ZFR2: variants seen among roughly 807,000 people sequenced by gnomAD.
The protein encoded by ZFR2 is zinc finger RNA-binding protein 2.
In ZFR2, 104 loss-of-function variants were observed where a neutral mutation model predicts 105.7. The observed-to-expected ratio is 0.98, with a 90% confidence interval of 0.84 to 1.16. ZFR2 has a LOEUF of 1.16. ZFR2 is among the 50% of genes most tolerant of loss of function. ZFR2 has a pLI of 0.00. For missense variants in ZFR2, 1,425 were observed against 1,355.5 expected (o/e 1.05, Z -0.80); for synonymous variants, 634 against 597.7 (o/e 1.06, Z -0.89).
chr19:3,844,021 G>GC (rs1394414932), intron 1 of ZFR2, among the ~76,000 whole-genome samples: 2 of 148,510 alleles, frequency 1.3e-5, no homozygotes, highest in Non-Finnish European at 3.0e-5. Flanking sequence ...TGTGGGGGGG[G>GC]GGGTGCCAGG....
intron 1 of ZFR2, among the ~76,000 whole-genome samples, chr19:3,860,712 G>A (rs998581820): frequency 1.3e-5 from 2 of 152,134 alleles, no homozygotes; most frequent in Non-Finnish European, 2.9e-5. Flanking sequence ...CAGGACAAGC[G>A]ACAGAATTTC....
rs561012821 is a variant in ZFR2 at position 3,819,038 on chromosome 19, C to T, written c.1931+7G>A. The T allele has an allele frequency of 2.0e-4, 326 of 1,611,444 alleles. 2 individuals carry two copies. In the South Asian group the frequency reaches 3.5e-3, roughly 17 times the overall value. ...GCCGGGCCCTGGGGAAGGGGATCTC[C>T]AATGACCTGCGCTTGTCACCCTCTT... On this transcript the variant is annotated splice_region_variant and intron_variant, in intron 12 of 18. Coordinates refer to ENST00000262961, the MANE Select transcript of ZFR2 (RefSeq NM_015174.2).
chr19:3,845,017 T>TC (rs2038172779), intron 1 of ZFR2, among the ~76,000 whole-genome samples: 1 of 151,856 alleles, frequency 6.6e-6, no homozygotes, highest in Admixed American at 6.6e-5. Context: ...GACTTATTTA[T>TC]TCTCACAGTT....
intron 1 of ZFR2, 129 bp from the exon 2 acceptor site, chr19:3,835,112 G>T: frequency 1.9e-6 from 2 of 1,045,028 alleles, no homozygotes; most frequent in Non-Finnish European, 1.4e-6. Context: ...CCTCCTAGGA[G>T]CCCAGGCACG....
At chr19:3,810,599 G>A (rs2037752089) in intron 16 of ZFR2, 151 bp downstream of exon 16, 1 of 624,462 alleles carries the variant, frequency 1.6e-6, no homozygotes. Flanking sequence ...CCCGCAAGGG[G>A]ACCTCAGGGA....
At chr19:3,844,526 C>T (rs1466673092) in intron 1 of ZFR2, among the ~76,000 whole-genome samples, 2 of 152,044 alleles carry the variant, frequency 1.3e-5, no homozygotes, top group Non-Finnish European at 2.9e-5. Flanking sequence ...TGCCACCATA[C>T]CTGGCTAATT....
At chr19:3,809,814 C>T (rs924469402) in intron 16 of ZFR2, among the ~76,000 whole-genome samples, 9 of 151,952 alleles carry the variant, frequency 5.9e-5, no homozygotes, top group African/African-American at 1.9e-4. Flanking sequence ...CGTGGTGGTG[C>T]GTGCCTGTAA....
intron 1 of ZFR2, among the ~76,000 whole-genome samples, chr19:3,840,759 T>C (rs1480435047): frequency 6.6e-6 from 1 of 151,962 alleles, no homozygotes; most frequent in Non-Finnish European, 1.5e-5. Flanking sequence ...CTCCAACTCC[T>C]GGCCTTATGC....
At position 3,834,950 on chromosome 19, in the gene ZFR2, C is replaced by A; in HGVS notation, c.87G>T (p.Val29=). The change falls in exon 2 of 19, where the codon GTG becomes GTT. Residue 29 remains valine, a synonymous_variant. Coordinates refer to ENST00000262961, the MANE Select transcript of ZFR2 (RefSeq NM_015174.2). This position sits in a 1 kb window ranked among gnomAD's most constrained non-coding sequence, Gnocchi z 5.3. ...AQPPTLPLPT[V]GASYTAQPTP... ...TGGGTTGTGCAGTATAGCTGGCCCCCACAGTGGGCAGGGGAAGGGTCGGAG... is the reference window on the plus strand; with the variant it reads ...TGGGTTGTGCAGTATAGCTGGCCCCAACAGTGGGCAGGGGAAGGGTCGGAG... 2 of 1,611,630 alleles carry A rather than the reference C, an allele frequency of 1.2e-6. No homozygotes were observed. The highest frequency in any genetic ancestry group is 1.7e-6 in the Non-Finnish European group (2 of 1,179,146).
rs374439423 is a variant in ZFR2 at position 3,827,531 on chromosome 19, G to A, written c.975C>T (p.Ala325=). The A allele has an allele frequency of 1.0e-5, 16 of 1,560,728 alleles. No homozygotes were observed. The highest frequency in any genetic ancestry group is 6.8e-5 in the African/African-American group (5 of 73,526). Reference sequence around the variant, plus strand: ...AGGCGTCCGCCCCGGTGCAGGACACGGCGCACAGGTCGCAATGCAGCTGCG... The same window carrying A: ...AGGCGTCCGCCCCGGTGCAGGACACAGCGCACAGGTCGCAATGCAGCTGCG... ...VQAQLHCDLC[A]VSCTGADAYA... The change falls in exon 6 of 19, where the codon GCC becomes GCT. Residue 325 remains alanine (A), a synonymous_variant. Transcript: ENST00000262961.
At chr19:3,827,040 G>A (rs1370250037) in intron 6 of ZFR2, among the ~76,000 whole-genome samples, 2 of 152,006 alleles carry the variant, frequency 1.3e-5, no homozygotes, top group Admixed American at 6.6e-5. Context: ...TCAGGAGTTC[G>A]AGACCAGCCT....
chr19:3,814,080 G>A, intron 13 of ZFR2, 122 bp from the exon 14 acceptor site: 1 of 1,440,490 alleles, frequency 6.9e-7, no homozygotes, highest in Middle Eastern at 2.2e-4. Context: ...TTGCTGCCTG[G>A]GTGCCGGGCC....
chr19:3,848,657 C>T (rs1281309120), intron 1 of ZFR2, among the ~76,000 whole-genome samples: 2 of 151,560 alleles, frequency 1.3e-5, no homozygotes, highest in African/African-American at 4.8e-5. Context: ...CACCACTGCA[C>T]TCCAGCCTGG....
Position 3,858,823 on chromosome 19 carries a change from G to T in ZFR2, c.53+10142C>A, listed in dbSNP as rs1002824817. 6.6e-6 allele frequency among the ~76,000 whole-genome samples: 1 copy of T among 152,034 alleles called. No homozygotes were observed. The highest frequency in any genetic ancestry group is 6.6e-5 in the Admixed American group (1 of 15,252). ...ACAGAGTGAGACTCCGTCTCAAAAA[G>T]AAAAAACTAAAATAATTAAAAACAA... On this transcript the variant is annotated intron_variant, in intron 1 of 18. Transcript: ENST00000262961. This position sits in a 1 kb window ranked among gnomAD's most constrained non-coding sequence, Gnocchi z 4.3.
chr19:3,819,168 G>T lies in ZFR2; in HGVS notation c.1808C>A (p.Thr603Lys), dbSNP rs199699070. The T allele has an allele frequency of 6.2e-7, 1 of 1,601,036 alleles. No individual in the cohort carries two copies. Among genetic ancestry groups the T allele is most frequent in the South Asian group, 1.1e-5 (1 of 90,552 alleles). ...VMCKHATIYP[T>K]EQELLAVQRA... ...CTGCACGGCCAGGAGCTCCTGCTCC[G>T]TGGGGTAGATGGTGGCGTGCTTGCA... Residue 603 changes from threonine to lysine, a missense_variant, in exon 12 of 19, where the codon ACG (threonine) becomes AAG (lysine). By Grantham distance (78) the Thr-to-Lys change is moderately conservative. Coordinates refer to ENST00000262961, the MANE Select transcript of ZFR2 (RefSeq NM_015174.2).
rs780207479 is a variant in ZFR2 at position 3,813,658 on chromosome 19, G to C, written c.2242+162C>G. Among the ~76,000 whole-genome samples the C allele has an allele frequency of 6.6e-6, 1 of 152,200 alleles. No individual in the cohort carries two copies. Among genetic ancestry groups the C allele is most frequent in the Non-Finnish European group, 1.5e-5 (1 of 68,038 alleles). On this transcript the variant is annotated intron_variant, in intron 14 of 18. Transcript: ENST00000262961. This position sits in a 1 kb window ranked among gnomAD's most constrained non-coding sequence, Gnocchi z 4.4. ...TCTGCTGCCCGGAGACCCAGCTCTT[G>C]TGTGACCCATGGAATCCTCAGGGGG... is the stretch of plus-strand genomic sequence containing the variant.
chr19:3,843,171 T>C (rs1312763750), intron 1 of ZFR2, among the ~76,000 whole-genome samples: 1 of 152,168 alleles, frequency 6.6e-6, no homozygotes, highest in Admixed American at 6.5e-5. Flanking sequence ...AACCCAACCG[T>C]CCATCAGTGG....
intron 1 of ZFR2, among the ~76,000 whole-genome samples, chr19:3,859,608 C>G (rs921561242): frequency 2.0e-4 from 31 of 152,226 alleles, no homozygotes; most frequent in African/African-American, 7.5e-4. Context: ...CTGCGTGCAG[C>G]GTGAGCCACA....
Position 3,813,974 on chromosome 19 carries a change from A to T in ZFR2, c.2104-16T>A. On this transcript the variant is annotated splice_polypyrimidine_tract_variant and intron_variant, in intron 13 of 18. Coordinates refer to ENST00000262961, the MANE Select transcript of ZFR2 (RefSeq NM_015174.2). The surrounding 1 kb of genome is among the most constrained non-coding windows in gnomAD (Gnocchi z 4.4). ...CGGTCACCATCTGGGAGGGGTAAAT[A>T]CAACACAAGGCCACCTTACTGCAGC... 6.2e-7 allele frequency: 1 copy of T among 1,613,388 alleles called. No individual in the cohort carries two copies. The highest frequency in any genetic ancestry group is 8.5e-7 in the Non-Finnish European group (1 of 1,179,654).
Sources: allele counts gnomAD v4.1 joint callset (sites outside exome capture counted in the v4.1 genomes callset), GRCh38; gene constraint gnomAD v4.1.1; non-coding constraint Gnocchi (gnomAD v3.1); transcripts MANE v1.5; gene names NCBI Gene and HGNC (gene_info 2026-07-23, HGNC 2026-07-21).